CTNNA2: variants seen among roughly 807,000 people sequenced by gnomAD.
CTNNA2 encodes catenin alpha 2.
Under a neutral mutation model 101.0 loss-of-function variants are expected in CTNNA2, and 42 were observed. The ratio of observed to expected loss-of-function variants is 0.42; its 90% CI spans 0.32 to 0.54. CTNNA2 has a LOEUF of 0.54. Among genes scored for constraint, CTNNA2 ranks in the 20% least tolerant of loss-of-function variants. The pLI, the probability that CTNNA2 is intolerant of heterozygous loss-of-function variation, is 0.14. For missense variants in CTNNA2, 871 were observed against 1,223.1 expected, an observed-to-expected ratio of 0.71 and a Z score of 4.29; for synonymous variants, 450 against 456.4, an observed-to-expected ratio of 0.99 and a Z score of 0.18.
intron 1 of CTNNA2, among the ~76,000 whole-genome samples, chr2:79,522,268 A>G (rs1270878246): frequency 2.6e-5 from 4 of 152,290 alleles, no homozygotes; most frequent in Non-Finnish European, 5.9e-5. Context: ...AACTCGCTCC[A>G]TCTTCAAACA....
chr2:80,406,920 T>C (rs1451182162), intron 8 of CTNNA2, among the ~76,000 whole-genome samples: 1 of 152,034 alleles, frequency 6.6e-6, no homozygotes, highest in African/African-American at 2.4e-5. Flanking sequence ...GCTTGCCTGC[T>C]GCTCTGGGTG....
At chr2:80,236,716 A>G (rs1709569485) in intron 7 of CTNNA2, among the ~76,000 whole-genome samples, 1 of 152,198 alleles carries the variant, frequency 6.6e-6, no homozygotes, top group Non-Finnish European at 1.5e-5. Flanking sequence ...GCTTTTATTT[A>G]TCTGTCAAGG....
chr2:79,648,742 T>C lies in CTNNA2; in HGVS notation c.-5-2810T>C, dbSNP rs554315218. On this transcript the variant is annotated intron_variant, in intron 1 of 18. Transcript: ENST00000402739. ...GGGATTTTGCGGTCCCCACCACCAC[T>C]CCTTTTGTTCATTGCTAATGTGGTT... Among the ~76,000 whole-genome samples, 59 of 152,258 alleles carry C rather than the reference T, an allele frequency of 3.9e-4. 1 individual carries two copies. Among genetic ancestry groups the C allele is most frequent in the African/African-American group, 1.3e-3 (56 of 41,554 alleles).
intron 7 of CTNNA2, among the ~76,000 whole-genome samples, chr2:80,344,917 T>C (rs1672594029): frequency 6.6e-6 from 1 of 152,202 alleles, no homozygotes; most frequent in Non-Finnish European, 1.5e-5. Context: ...ATGTCTAATC[T>C]ATTAGCAAAC....
intron 1 of CTNNA2, among the ~76,000 whole-genome samples, chr2:79,530,669 A>G (rs1009738985): frequency 3.9e-5 from 6 of 152,174 alleles, no homozygotes; most frequent in Non-Finnish European, 7.3e-5. Context: ...ATCTCACTTG[A>G]TCTTTGCCAG....
chr2:79,280,830 G>C (rs1675358203), intron 2 of CTNNA2, among the ~76,000 whole-genome samples: 2 of 151,914 alleles, frequency 1.3e-5, no homozygotes. Flanking sequence ...AAAGTGCCTG[G>C]GTGCCTGAGG....
intron 4 of CTNNA2, among the ~76,000 whole-genome samples, chr2:79,404,237 T>G (rs1678318708): frequency 6.6e-6 from 1 of 151,998 alleles, no homozygotes; most frequent in Non-Finnish European, 1.5e-5. Context: ...TGTCATAAAC[T>G]TTGGGTCCAT....
At chr2:79,417,016 G>T (rs773374178) in intron 4 of CTNNA2, among the ~76,000 whole-genome samples, 1 of 152,006 alleles carries the variant, frequency 6.6e-6, no homozygotes, top group South Asian at 2.1e-4. Flanking sequence ...GAACTCTGTG[G>T]CCCAAACTAC....
chr2:79,798,560 C>CTT (rs34542700), intron 3 of CTNNA2, among the ~76,000 whole-genome samples: 4,276 of 123,648 alleles, frequency 0.035, 262 homozygotes, highest in African/African-American at 0.12. Flanking sequence ...TATAATAAGA[C>CTT]TTTTTTTTTT....
intron 1 of CTNNA2, among the ~76,000 whole-genome samples, chr2:79,615,141 T>C (rs1161523238): frequency 6.6e-6 from 1 of 152,178 alleles, no homozygotes. Context: ...GCCCTCTTCT[T>C]TAATTGGATT....
chr2:80,521,732 A>G (rs1340448089), intron 9 of CTNNA2, among the ~76,000 whole-genome samples: 1 of 152,194 alleles, frequency 6.6e-6, no homozygotes, highest in Non-Finnish European at 1.5e-5. Context: ...AAAAGAATAT[A>G]GCACTGCTGA....
intron 9 of CTNNA2, among the ~76,000 whole-genome samples, chr2:80,437,313 G>A (rs928842985): frequency 3.3e-5 from 5 of 152,182 alleles, no homozygotes; most frequent in African/African-American, 1.2e-4. Flanking sequence ...GGAAATTCCA[G>A]TTTATAAGAT....
At chr2:80,379,360 C>T (rs570474031) in intron 7 of CTNNA2, among the ~76,000 whole-genome samples, 127 of 152,222 alleles carry the variant, frequency 8.3e-4, no homozygotes, top group Non-Finnish European at 1.5e-3. Flanking sequence ...GCTGGTATAG[C>T]TTTTTCTTTC....
intron 2 of CTNNA2, among the ~76,000 whole-genome samples, chr2:79,292,123 C>G (rs759792006): frequency 6.6e-6 from 1 of 152,150 alleles, no homozygotes; most frequent in Non-Finnish European, 1.5e-5. Flanking sequence ...GAGTTCAGCT[C>G]TCATCTTTCT....
intron 1 of CTNNA2, among the ~76,000 whole-genome samples, chr2:79,572,522 C>T (rs571970675): frequency 2.6e-5 from 4 of 152,162 alleles, no homozygotes; most frequent in South Asian, 2.1e-4. Context: ...GAGGCCGAGG[C>T]GGGCAGATCA....
chr2:79,265,976 TG>T (rs1223600241), intron 2 of CTNNA2, among the ~76,000 whole-genome samples: 5 of 152,178 alleles, frequency 3.3e-5, no homozygotes, highest in Non-Finnish European at 7.3e-5. Context: ...CATGGATTTT[TG>T]ATAGCCTGCA....
chr2:79,928,713 C>T (rs900754219), intron 7 of CTNNA2, among the ~76,000 whole-genome samples: 5 of 152,166 alleles, frequency 3.3e-5, no homozygotes, highest in African/African-American at 1.2e-4. Flanking sequence ...CATCCAGCAG[C>T]TTCATGTATA....
upstream of CTNNA2, among the ~76,000 whole-genome samples, chr2:79,512,117 T>C (rs1054924537): frequency 1.3e-5 from 2 of 152,132 alleles, no homozygotes; most frequent in African/African-American, 2.4e-5. Context: ...ACAGTTACAT[T>C]CCAGCAACAT....
chr2:79,302,161 A>C (rs1676128299), intron 2 of CTNNA2, among the ~76,000 whole-genome samples: 1 of 152,048 alleles, frequency 6.6e-6, no homozygotes. Flanking sequence ...TTGAAGAGGG[A>C]GTTTATTTGA....
Sources: allele counts gnomAD v4.1 joint callset (sites outside exome capture counted in the v4.1 genomes callset), GRCh38; gene constraint gnomAD v4.1.1; transcripts MANE v1.5; gene names NCBI Gene and HGNC (gene_info 2026-07-23, HGNC 2026-07-21).